HMGXB4: variants seen among roughly 807,000 people sequenced by gnomAD.
The protein encoded by HMGXB4 is HMG-box containing 4.
A neutral mutation model predicts 63.9 loss-of-function variants in HMGXB4; 27 were observed. That is an observed-to-expected ratio of 0.42 (90% CI 0.31 to 0.58). HMGXB4 has a LOEUF of 0.58. Ranked by LOEUF, HMGXB4 falls within the 20% of genes least tolerant of loss-of-function variation. The pLI, the probability that HMGXB4 is intolerant of heterozygous loss-of-function variation, is 0.13. For synonymous variants in HMGXB4, 264 were observed against 265.3 expected, an observed-to-expected ratio of 0.99 and a Z score of 0.05; for missense variants, 624 against 700.7, an observed-to-expected ratio of 0.89 and a Z score of 1.24.
At position 35,263,859 on chromosome 22, in the gene HMGXB4, G is replaced by C. The variant is rs1923026819; in HGVS notation, c.244G>C (p.Asp82His). 1 of 1,613,518 alleles carries C rather than the reference G, an allele frequency of 6.2e-7. No homozygotes were observed. The highest frequency in any genetic ancestry group is 8.5e-7 in the Non-Finnish European group (1 of 1,179,404). ...HKKKRKHSSD[D>H]YYYGDISSLE... ...GAAGAAGAGGAAGCACTCCTCTGAT[G>C]ATTACTACTATGGAGGTGAGGATGG... Residue 82 changes from aspartate (D) to histidine (H), a missense_variant, in exon 4 of 11, where the codon GAT becomes CAT. Coordinates refer to ENST00000216106, the MANE Select transcript of HMGXB4 (RefSeq NM_001003681.3).
the HMGXB4 span, among the ~76,000 whole-genome samples, chr22:35,250,274 G>C: frequency 2.0e-5 from 3 of 152,158 alleles, no homozygotes; most frequent in African/African-American, 7.2e-5. Context: ...TTGGCTCACA[G>C]TTCTGCAGGC....
intron 5 of HMGXB4, among the ~76,000 whole-genome samples, chr22:35,283,209 G>A (rs1415918564): frequency 6.6e-6 from 1 of 152,196 alleles, no homozygotes; most frequent in African/African-American, 2.4e-5. Flanking sequence ...GAAATTACAA[G>A]ATTAGAAATC....
intron 1 of HMGXB4, 195 bp from the exon 2 acceptor site, chr22:35,262,128 T>G: frequency 2.5e-6 from 1 of 402,094 alleles, no homozygotes; most frequent in Non-Finnish European, 4.5e-6. Context: ...ATGACTGAAA[T>G]CTAATTAAGC....
intron 1 of HMGXB4, among the ~76,000 whole-genome samples, chr22:35,260,581 C>T (rs1004676397): frequency 1.3e-5 from 2 of 152,206 alleles, no homozygotes; most frequent in Admixed American, 6.5e-5. Context: ...ATGTCCCCTT[C>T]GTTTCCTATG....
intron 10 of HMGXB4, 47 bp downstream of exon 10, chr22:35,293,161 GAT>G: frequency 6.2e-7 from 1 of 1,611,488 alleles, no homozygotes; most frequent in Non-Finnish European, 8.5e-7. Flanking sequence ...GGGCGTCAGA[GAT>G]GCCCTGCCTT....
At chr22:35,275,575 A>G (rs987051274) in intron 5 of HMGXB4, among the ~76,000 whole-genome samples, 7 of 152,174 alleles carry the variant, frequency 4.6e-5, no homozygotes, top group Non-Finnish European at 1.0e-4. Context: ...CTTTATAAAG[A>G]GCATTAACAA....
rs549747922 is a variant in HMGXB4, at chr22:35,293,817, T to C, written c.*166T>C. 4 of 366,354 alleles carry C rather than the reference T, an allele frequency of 1.1e-5. No individual in the cohort carries two copies. Among genetic ancestry groups the C allele is most frequent in the African/African-American group, 8.4e-5 (4 of 47,674 alleles). The allele number at this position is 366,354 out of a possible 1,614,324, so 22.7% of individuals were successfully genotyped here. On this transcript the variant is annotated 3_prime_UTR_variant, in exon 11 of 11. Transcript: ENST00000216106. ...TAATGTACAATATATACATAGACTG[T>C]AACTACTTTGCTTTTAATAATTTTA...
upstream of HMGXB4, among the ~76,000 whole-genome samples, chr22:35,255,145 T>G (rs1922335953): frequency 6.6e-6 from 1 of 152,140 alleles, no homozygotes; most frequent in Non-Finnish European, 1.5e-5. Flanking sequence ...GGACACATGA[T>G]CTAATTCAGG....
rs1925099617 is a variant in HMGXB4 at position 35,294,089 on chromosome 22, A to G, written c.*438A>G. 1 of 152,886 alleles carries G rather than the reference A, an allele frequency of 6.5e-6. No individual in the cohort carries two copies. The allele number at this position is 152,886 out of a possible 1,614,324, so 9.5% of individuals were successfully genotyped here. ...TGTCTTAGTCTGAAATGTAATAGGA[A>G]AGATAACGGGAAGATGCCAGTTGAC... On this transcript the variant is annotated 3_prime_UTR_variant, in exon 11 of 11. Transcript: ENST00000216106.
At chr22:35,256,193 C>A (rs548064514), upstream of HMGXB4, among the ~76,000 whole-genome samples, 4 of 152,304 alleles carry the variant, frequency 2.6e-5, no homozygotes, top group East Asian at 7.7e-4. Context: ...AGACAAATCA[C>A]CTTGCTTTTA....
At position 35,265,581 on chromosome 22, in the gene HMGXB4, A is replaced by AAG. The variant is rs760766503; in HGVS notation, c.1206_1207dup (p.Gly403GlufsTer22). 8.6e-6 allele frequency: 13 copies of AAG among 1,513,844 alleles called. No homozygotes were observed. Among genetic ancestry groups the AAG allele is most frequent in the East Asian group, 4.8e-5 (2 of 41,704 alleles). The allele number at this position is 1,513,844 out of a possible 1,614,324, so 93.8% of individuals were successfully genotyped here. ...AAAAAGAAAAAAGAAGAGAAGGACA[A>AAG]AGAGAGAGAGAGAGGAGAAAAGGTA... On this transcript the variant is annotated frameshift_variant, in exon 5 of 11. Transcript: ENST00000216106. LOFTEE classifies it high-confidence loss of function.
intron 5 of HMGXB4, among the ~76,000 whole-genome samples, chr22:35,275,481 C>A (rs757661843): frequency 6.6e-6 from 1 of 152,122 alleles, no homozygotes; most frequent in Non-Finnish European, 1.5e-5. Flanking sequence ...ATATTGTATT[C>A]TTTAAAACAG....
chr22:35,252,193 C>G, the HMGXB4 span, among the ~76,000 whole-genome samples: 5 of 152,248 alleles, frequency 3.3e-5, no homozygotes, highest in East Asian at 9.7e-4. Context: ...CCAGCCTAGG[C>G]GGCCGAGAGA....
chr22:35,284,339 C>T (rs1478843820), intron 6 of HMGXB4, among the ~76,000 whole-genome samples: 1 of 152,210 alleles, frequency 6.6e-6, no homozygotes, highest in African/African-American at 2.4e-5. Flanking sequence ...TGGCCTTTTC[C>T]TTAAATTGCC....
chr22:35,260,200 T>A (rs1398256596), intron 1 of HMGXB4, among the ~76,000 whole-genome samples: 1 of 152,230 alleles, frequency 6.6e-6, no homozygotes, highest in African/African-American at 2.4e-5. Context: ...ATTTATGACA[T>A]TGAATATTTA....
At chr22:35,249,842 A>G in the HMGXB4 span, 1 of 98,698 alleles carries the variant, frequency 1.0e-5, no homozygotes, top group African/African-American at 2.6e-5. Context: ...CTAGAAAGAA[A>G]AAGAAAAGAA....
chr22:35,274,092 C>G (rs1923761519), intron 5 of HMGXB4, among the ~76,000 whole-genome samples: 1 of 152,184 alleles, frequency 6.6e-6, no homozygotes, highest in Non-Finnish European at 1.5e-5. Context: ...AGCTTTCAGT[C>G]TAGTAAAAGG....
chr22:35,256,066 C>A (rs1165839001), upstream of HMGXB4, among the ~76,000 whole-genome samples: 2 of 152,214 alleles, frequency 1.3e-5, no homozygotes, highest in Admixed American at 6.5e-5. Context: ...GAAACAGAAT[C>A]AATCTTCTAC....
intron 5 of HMGXB4, among the ~76,000 whole-genome samples, chr22:35,271,606 G>T (rs1251690204): frequency 1.3e-5 from 2 of 152,198 alleles, no homozygotes; most frequent in African/African-American, 4.8e-5. Flanking sequence ...GAGGATAACA[G>T]ACTTGCTTCC....
Sources: allele counts gnomAD v4.1 joint callset (sites outside exome capture counted in the v4.1 genomes callset), GRCh38; gene constraint gnomAD v4.1.1; transcripts MANE v1.5; gene names NCBI Gene and HGNC (gene_info 2026-07-23, HGNC 2026-07-21).